Variants in TM6SF1 observed in about 807,000 individuals in gnomAD.
TM6SF1 encodes the protein transmembrane 6 superfamily member 1.
In TM6SF1, 43 loss-of-function variants were observed where a neutral mutation model predicts 47.1. That is an observed-to-expected ratio of 0.91 (90% CI 0.72 to 1.18). TM6SF1 has a LOEUF of 1.18. Among genes scored for constraint, TM6SF1 ranks in the 50% most tolerant of loss-of-function variants. The pLI, the probability that TM6SF1 is intolerant of heterozygous loss-of-function variation, is 0.00. For missense variants in TM6SF1, 390 were observed against 449.0 expected (o/e 0.87, Z 1.19); for synonymous variants, 177 against 166.3 (o/e 1.06, Z -0.49).
rs975108128 is a variant in TM6SF1, at chr15:83,112,831, C to G, written c.127C>G (p.Leu43Val). The change falls in exon 2 of 10, where the codon CTG (leucine) becomes GTG (valine). Residue 43 changes from leucine (L) to valine (V), a missense_variant. Leu to Val is a conservative substitution (Grantham distance 32). Transcript: ENST00000322019. The part of the protein sequence containing the change: ...WTIVGVAALI[L>V]FLVALLARVL... ...TATTGTAGGGGTTGCTGCCCTCATCCTGTTCCTGGTAGCACTGCTGGCTCG... is the reference window on the plus strand; with the variant it reads ...TATTGTAGGGGTTGCTGCCCTCATCGTGTTCCTGGTAGCACTGCTGGCTCG... 5.6e-6 allele frequency: 9 copies of G among 1,614,028 alleles called. No individual in the cohort carries two copies. The highest frequency in any genetic ancestry group is 6.8e-6 in the Non-Finnish European group (8 of 1,180,000).
chr15:83,109,972 A>G (rs1449439520), intron 1 of TM6SF1, among the ~76,000 whole-genome samples: 2 of 152,020 alleles, frequency 1.3e-5, no homozygotes, highest in African/African-American at 4.8e-5. Context: ...CTTTCTCCCG[A>G]GAGTTACTTT....
Position 83,122,065 on chromosome 15 carries a change from T to C in TM6SF1, c.481+62T>C, listed in dbSNP as rs567563353. ...TAAAACAATGGGGCTTGTTTTTAAA[T>C]AGAGAAGCTCTTTTAGTTATAATAG... On this transcript the variant is annotated intron_variant, in intron 5 of 9. Coordinates refer to ENST00000322019, the MANE Select transcript of TM6SF1 (RefSeq NM_023003.5). 1.3e-4 allele frequency: 170 copies of C among 1,285,732 alleles called. 1 individual carries two copies. In the African/African-American group the frequency reaches 2.2e-3, roughly 17 times the overall value. 79.6% of individuals were successfully genotyped at this position (1,285,732 alleles called of 1,614,324 possible).
chr15:83,124,853 G>A, intron 7 of TM6SF1, 77 bp downstream of exon 7: 1 of 1,308,164 alleles, frequency 7.6e-7, no homozygotes. Context: ...TTAGAAATAT[G>A]TTTTTGTTTT....
chr15:83,116,499 G>A (rs1354855634), intron 3 of TM6SF1, among the ~76,000 whole-genome samples: 2 of 152,206 alleles, frequency 1.3e-5, no homozygotes, highest in Non-Finnish European at 2.9e-5. Context: ...CAGGAAATGA[G>A]GAAAAGGGCT....
intron 4 of TM6SF1, 86 bp downstream of exon 4, chr15:83,119,767 TACAC>T (rs1426998488): frequency 1.3e-6 from 2 of 1,588,528 alleles, no homozygotes. Context: ...TAGAGGCAAA[TACAC>T]AAGCAGGTAT....
chr15:83,112,503 T>A (rs1596469700), intron 1 of TM6SF1, among the ~76,000 whole-genome samples: 1 of 151,356 alleles, frequency 6.6e-6, no homozygotes, highest in South Asian at 2.1e-4. Context: ...TGCAGCAGGG[T>A]GGGGTGAGGC....
At chr15:83,119,478 C>A in intron 3 of TM6SF1, 100 bp from the exon 4 acceptor site, 2 of 1,187,892 alleles carry the variant, frequency 1.7e-6, no homozygotes, top group Non-Finnish European at 2.4e-6. Context: ...CAGATGAACA[C>A]AAGTTAGTTC....
intron 3 of TM6SF1, among the ~76,000 whole-genome samples, chr15:83,119,099 A>G (rs912292829): frequency 6.6e-6 from 1 of 152,104 alleles, no homozygotes; most frequent in Non-Finnish European, 1.5e-5. Flanking sequence ...CTGCCTGCCT[A>G]TGTGTCAGTA....
In TM6SF1 at chr15:83,120,243, G is replaced by A. The variant is rs139393740; in HGVS notation, c.398+562G>A. ...TTGGTACCCCCATCATGATATGCTA[G>A]CTTGGTCTTGGGAGGCACACATGTG... On this transcript the variant is annotated intron_variant, in intron 4 of 9. Coordinates refer to ENST00000322019, the MANE Select transcript of TM6SF1 (RefSeq NM_023003.5). 1.9e-3 allele frequency among the ~76,000 whole-genome samples: 283 copies of A among 152,318 alleles called. 1 individual carries two copies. Among genetic ancestry groups the A allele is most frequent in the Middle Eastern group, 6.8e-3 (2 of 294 alleles).
intron 9 of TM6SF1, chr15:83,130,136 T>G (rs897609331): frequency 1.3e-5 from 2 of 152,372 alleles, no homozygotes; most frequent in Admixed American, 1.3e-4. Context: ...AGAGACCAGA[T>G]GTTGGACCTG....
intron 5 of TM6SF1, 23 bp downstream of exon 5, chr15:83,122,026 T>A (rs2035304594): frequency 1.3e-6 from 2 of 1,569,124 alleles, no homozygotes; most frequent in African/African-American, 1.4e-5. Context: ...ATCTTAAAGT[T>A]CACTTTCCTT....
At chr15:83,124,629 T>C (rs1433990991) in intron 6 of TM6SF1, 43 bp from the exon 7 acceptor site, 3 of 1,480,296 alleles carry the variant, frequency 2.0e-6, no homozygotes, top group African/African-American at 1.4e-5. Context: ...AGATTCTTCT[T>C]TGGCACTTTG....
intron 9 of TM6SF1, chr15:83,135,700 G>C (rs1196692082): frequency 6.6e-6 from 1 of 152,180 alleles, no homozygotes; most frequent in Non-Finnish European, 1.5e-5. Flanking sequence ...TATATAAGTA[G>C]AGAGGGAGGC....
chr15:83,122,390 TATAGGTAG>T (rs1321858964), intron 5 of TM6SF1, among the ~76,000 whole-genome samples: 2 of 151,994 alleles, frequency 1.3e-5, no homozygotes, highest in African/African-American at 4.8e-5. Context: ...AATCAGGATA[TATAGGTAG>T]ATAGATAGAT....
chr15:83,125,662 T>C (rs530224502), intron 7 of TM6SF1, among the ~76,000 whole-genome samples: 1 of 152,334 alleles, frequency 6.6e-6, no homozygotes, highest in East Asian at 1.9e-4. Context: ...AATTATATTG[T>C]TAATTATATT....
At chr15:83,121,831 T>G in intron 4 of TM6SF1, 90 bp from the exon 5 acceptor site, 1 of 944,772 alleles carries the variant, frequency 1.1e-6, no homozygotes, top group East Asian at 2.4e-5. Context: ...TTTACTAGTT[T>G]GAATACAAAA....
intron 9 of TM6SF1, chr15:83,131,043 CTG>C (rs2151381598): frequency 6.6e-6 from 1 of 152,156 alleles, no homozygotes; most frequent in African/African-American, 2.4e-5. Flanking sequence ...TGAGCCGAGA[CTG>C]TGTCACTGCA....
At chr15:83,136,276 G>C (rs1217577573) in intron 9 of TM6SF1, 2 of 428,442 alleles carry the variant, frequency 4.7e-6, no homozygotes, top group Non-Finnish European at 8.2e-6. Flanking sequence ...GTCATATCAA[G>C]AATGGCCCTA....
intron 3 of TM6SF1, among the ~76,000 whole-genome samples, chr15:83,118,722 A>G (rs1417456477): frequency 6.6e-6 from 1 of 152,182 alleles, no homozygotes; most frequent in Non-Finnish European, 1.5e-5. Flanking sequence ...TACAGCGTGA[A>G]ACAAGCCAGG....
Sources: allele counts gnomAD v4.1 joint callset (sites outside exome capture counted in the v4.1 genomes callset), GRCh38; gene constraint gnomAD v4.1.1; transcripts MANE v1.5; gene names NCBI Gene and HGNC (gene_info 2026-07-23, HGNC 2026-07-21).